Variants in SPATA16 observed in about 807,000 individuals in gnomAD.
SPATA16 encodes spermatogenesis-associated protein 16.
In SPATA16, 36 loss-of-function variants were observed where a neutral mutation model predicts 63.3. The observed-to-expected ratio is 0.57, with a 90% CI of 0.44 to 0.75. The LOEUF (loss-of-function observed/expected upper bound fraction) is 0.75, where lower values mean the gene tolerates loss of function less well. Among genes scored for constraint, SPATA16 ranks in the 30% least tolerant of loss-of-function variants. The probability of loss-of-function intolerance (pLI) is 0.00; values close to 1 mark genes in which losing one functional copy is unlikely to be tolerated. For missense variants in SPATA16, 646 were observed against 679.3 expected, an observed-to-expected ratio of 0.95 and a Z score of 0.54; for synonymous variants, 203 against 216.7, an observed-to-expected ratio of 0.94 and a Z score of 0.56.
At chr3:173,065,475 G>A (rs1473387709) in intron 2 of SPATA16, among the ~76,000 whole-genome samples, 1 of 152,126 alleles carries the variant, frequency 6.6e-6, no homozygotes, top group Non-Finnish European at 1.5e-5. Flanking sequence ...TTTTGCAATT[G>A]TTCCCCAACA....
rs541477858 is a variant in SPATA16 at position 172,925,196 on chromosome 3, G to A, written c.1228+150C>T. 9.9e-4 allele frequency: 858 copies of A among 864,724 alleles called. 9 individuals are homozygous for A. Among genetic ancestry groups the A allele is most frequent in the Non-Finnish European group, 5.5e-5 (31 of 559,476 alleles). 53.6% of individuals were successfully genotyped at this position (864,724 alleles called of 1,614,324 possible). ...ATTCCAGGATTGTGTGTGTTCTTGG[G>A]GAAAGATTTCCTGGAACCAGAATTC... On this transcript the variant is annotated intron_variant, in intron 7 of 10. Coordinates refer to ENST00000351008, the MANE Select transcript of SPATA16 (RefSeq NM_031955.6).
At chr3:173,051,322 C>G (rs1056578719) in intron 2 of SPATA16, among the ~76,000 whole-genome samples, 6 of 152,178 alleles carry the variant, frequency 3.9e-5, no homozygotes, top group African/African-American at 1.4e-4. Flanking sequence ...CCTGCCTCAG[C>G]CTCCCAAGTA....
chr3:172,964,463 C>G (rs536805175), intron 5 of SPATA16, among the ~76,000 whole-genome samples: 1 of 152,128 alleles, frequency 6.6e-6, no homozygotes, highest in Non-Finnish European at 1.5e-5. Context: ...AGCTTTTATT[C>G]TTGATGACTT....
At chr3:172,909,817 A>G (rs1420848360) in intron 10 of SPATA16, among the ~76,000 whole-genome samples, 1 of 152,134 alleles carries the variant, frequency 6.6e-6, no homozygotes, top group Non-Finnish European at 1.5e-5. Context: ...AATAGATAAC[A>G]ACTGTAATGT....
At chr3:173,033,256 C>T (rs1344065024) in intron 3 of SPATA16, among the ~76,000 whole-genome samples, 3 of 152,048 alleles carry the variant, frequency 2.0e-5, no homozygotes, top group Admixed American at 6.6e-5. Flanking sequence ...TTTCTTTCAT[C>T]TGTCAAATGC....
chr3:173,121,289 C>T (rs981895057), intron 1 of SPATA16, among the ~76,000 whole-genome samples: 59 of 150,966 alleles, frequency 3.9e-4, no homozygotes, highest in African/African-American at 1.4e-3. Flanking sequence ...AATTATAAAA[C>T]TCTATTTAAA....
At chr3:173,140,302 C>T (rs1341248432) in intron 1 of SPATA16, among the ~76,000 whole-genome samples, 3 of 152,106 alleles carry the variant, frequency 2.0e-5, no homozygotes, top group African/African-American at 7.2e-5. Context: ...TAAACACTTC[C>T]CTGATGCTTC....
chr3:172,913,987 TG>T (rs1351470097), intron 9 of SPATA16, among the ~76,000 whole-genome samples: 1 of 152,194 alleles, frequency 6.6e-6, no homozygotes, highest in African/African-American at 2.4e-5. Flanking sequence ...TAGGTTTTAA[TG>T]TAGTAAGTGT....
intron 6 of SPATA16, among the ~76,000 whole-genome samples, chr3:172,934,596 G>A (rs1403038136): frequency 6.6e-6 from 1 of 151,966 alleles, no homozygotes; most frequent in Non-Finnish European, 1.5e-5. Context: ...TGGTTTATAA[G>A]TACTATAACT....
At chr3:173,085,129 T>C (rs1485406618) in intron 2 of SPATA16, among the ~76,000 whole-genome samples, 1 of 152,232 alleles carries the variant, frequency 6.6e-6, no homozygotes, top group Non-Finnish European at 1.5e-5. Context: ...TTTCATGATA[T>C]TGATTCTTCC....
At chr3:173,113,654 G>C (rs1737808678) in intron 2 of SPATA16, among the ~76,000 whole-genome samples, 1 of 151,824 alleles carries the variant, frequency 6.6e-6, no homozygotes, top group African/African-American at 2.4e-5. Flanking sequence ...AAAATAAAAG[G>C]AGTTAGTACT....
chr3:173,137,748 A>G (rs78637201), intron 1 of SPATA16, among the ~76,000 whole-genome samples: 29,321 of 150,894 alleles, frequency 0.19, 3,049 homozygotes, highest in Middle Eastern at 0.27. Flanking sequence ...CCCAATACCT[A>G]AGAAGGTTCA....
At chr3:173,126,254 A>G (rs951471726) in intron 1 of SPATA16, among the ~76,000 whole-genome samples, 10 of 152,352 alleles carry the variant, frequency 6.6e-5, no homozygotes, top group African/African-American at 9.6e-5. Context: ...TGCTATCCTT[A>G]TAAGTGTGGT....
chr3:173,082,713 G>T (rs4312676), intron 2 of SPATA16, among the ~76,000 whole-genome samples: 1 of 151,966 alleles, frequency 6.6e-6, no homozygotes, highest in African/African-American at 2.4e-5. Flanking sequence ...CCCTCACCCC[G>T]TGTGCCTCTC....
chr3:172,982,448 T>G lies in SPATA16; in HGVS notation c.849-5396A>C, dbSNP rs1734343760. On this transcript the variant is annotated intron_variant, in intron 4 of 10. Transcript: ENST00000351008. ...CTAATGTGTTGTATCTAAAATTATT[T>G]TTTACATGATGCCTTCAGTCATATG... 3.3e-5 allele frequency among the ~76,000 whole-genome samples: 5 copies of G among 152,304 alleles called. No homozygotes were observed. In the South Asian group the frequency reaches 1.0e-3, roughly 32 times the overall value.
chr3:173,047,761 A>G (rs1417696190), intron 3 of SPATA16, among the ~76,000 whole-genome samples: 2 of 152,022 alleles, frequency 1.3e-5, no homozygotes, highest in Admixed American at 6.6e-5. Flanking sequence ...TTTTAAAACT[A>G]TGGTTTCATA....
chr3:173,040,265 A>G (rs1322516623), intron 3 of SPATA16, among the ~76,000 whole-genome samples: 1 of 152,062 alleles, frequency 6.6e-6, no homozygotes, highest in Non-Finnish European at 1.5e-5. Context: ...GCTATATTTA[A>G]TTATTTTCTG....
intron 6 of SPATA16, among the ~76,000 whole-genome samples, chr3:172,943,708 C>T (rs1024973405): frequency 6.6e-6 from 1 of 152,228 alleles, no homozygotes; most frequent in African/African-American, 2.4e-5. Flanking sequence ...CCATTGCACT[C>T]CAGCCTGGGT....
chr3:172,981,815 G>A (rs1734326312), intron 4 of SPATA16, among the ~76,000 whole-genome samples: 1 of 152,164 alleles, frequency 6.6e-6, no homozygotes, highest in Non-Finnish European at 1.5e-5. Context: ...GTCCCATCTG[G>A]TCTGCTCCCT....
Sources: gnomAD v4.1 joint callset for allele counts (sites outside exome capture counted in the v4.1 genomes callset) on GRCh38, gnomAD v4.1.1 for gene constraint, MANE v1.5 for transcripts, NCBI Gene and HGNC (gene_info 2026-07-23, HGNC 2026-07-21) for gene names.